ETV6: variants seen among roughly 807,000 people sequenced by gnomAD.
ETV6 encodes ETS variant transcription factor 6, also known as transcription factor ETV6.
In ETV6, 16 loss-of-function variants were observed where a neutral mutation model predicts 51.1. That is an observed-to-expected ratio of 0.31 (90% CI 0.21 to 0.48). The LOEUF (loss-of-function observed/expected upper bound fraction) is 0.48. Among genes scored for constraint, ETV6 ranks in the 20% least tolerant of loss-of-function variants. The probability of loss-of-function intolerance (pLI) is 0.99; values close to 1 mark genes in which losing one functional copy is unlikely to be tolerated. For missense variants in ETV6, 458 were observed against 594.8 expected, an observed-to-expected ratio of 0.77 and a Z score of 2.39; for synonymous variants, 240 against 224.1, an observed-to-expected ratio of 1.07 and a Z score of -0.64.
At position 11,891,920 on chromosome 12, in the gene ETV6, G is replaced by C; in HGVS notation, c.*874G>C. ...CAGATACATGCTAGTCCAGAGAGCC[G>C]CCCCTGAGATGGCTGTGAGAACCAT... On this transcript the variant is annotated 3_prime_UTR_variant, in exon 8 of 8. Transcript: ENST00000396373. 4.0e-6 allele frequency: 1 copy of C among 247,226 alleles called. No individual in the cohort carries two copies. The highest frequency in any genetic ancestry group is 7.9e-6 in the Non-Finnish European group (1 of 126,056). 15.3% of individuals were successfully genotyped at this position (247,226 alleles called of 1,614,324 possible).
At chr12:11,882,233 A>G (rs890987293) in intron 5 of ETV6, among the ~76,000 whole-genome samples, 1 of 152,220 alleles carries the variant, frequency 6.6e-6, no homozygotes, top group Non-Finnish European at 1.5e-5. Flanking sequence ...CTTCTGGAAA[A>G]TGCCACAGTT....
At chr12:11,873,481 CAGCTGT>C (rs1591739349) in intron 5 of ETV6, among the ~76,000 whole-genome samples, 6 of 118,378 alleles carry the variant, frequency 5.1e-5, no homozygotes, top group Admixed American at 1.9e-4. Context: ...CTCCGTAAAG[CAGCTGT>C]TAGATGAGAA....
intron 4 of ETV6, among the ~76,000 whole-genome samples, chr12:11,854,099 C>G (rs1049383630): frequency 4.6e-5 from 7 of 152,138 alleles, no homozygotes; most frequent in African/African-American, 1.7e-4. Flanking sequence ...TTTCCTGCAA[C>G]TAGACGTTCC....
chr12:11,777,382 T>C (rs1023033905), intron 2 of ETV6, among the ~76,000 whole-genome samples: 1 of 151,270 alleles, frequency 6.6e-6, no homozygotes, highest in Non-Finnish European at 1.5e-5. Context: ...TGGAGGAAAA[T>C]AGTTATTGTG....
intron 2 of ETV6, among the ~76,000 whole-genome samples, chr12:11,768,184 T>C (rs1945190638): frequency 6.6e-6 from 1 of 152,206 alleles, no homozygotes; most frequent in Non-Finnish European, 1.5e-5. Context: ...ATTGTTCCTC[T>C]ATCTTTCCGT....
chr12:11,813,300 G>T (rs1945942196), intron 2 of ETV6, among the ~76,000 whole-genome samples: 1 of 152,150 alleles, frequency 6.6e-6, no homozygotes. Context: ...ACCCGCCAGG[G>T]GCACACCCTC....
chr12:11,889,117 TG>T (rs1319724997), intron 7 of ETV6, among the ~76,000 whole-genome samples: 2 of 150,924 alleles, frequency 1.3e-5, no homozygotes, highest in Admixed American at 1.3e-4. Flanking sequence ...AGGGGTGGTT[TG>T]GGGGGCCAAG....
intron 1 of ETV6, among the ~76,000 whole-genome samples, chr12:11,658,092 A>G (rs1455780545): frequency 3.3e-5 from 5 of 152,186 alleles, no homozygotes; most frequent in South Asian, 2.1e-4. Context: ...ACATTGCCCA[A>G]TGTAGTGCTT....
intron 1 of ETV6, among the ~76,000 whole-genome samples, chr12:11,684,119 T>C (rs1864584013): frequency 6.6e-6 from 1 of 152,196 alleles, no homozygotes; most frequent in Non-Finnish European, 1.5e-5. Flanking sequence ...ATGTAAGGAA[T>C]TTCAGGAACA....
chr12:11,867,488 C>A lies in ETV6; in HGVS notation c.464-1936C>A, dbSNP rs370899062. ...GGTTATACAGTAGTCACAAAATAAG[C>A]CCTTTGCCTTCAAGGAGATGATCTT... On this transcript the variant is annotated intron_variant, in intron 4 of 7. Coordinates refer to ENST00000396373, the MANE Select transcript of ETV6 (RefSeq NM_001987.5). Among the ~76,000 whole-genome samples, 36 of 152,178 alleles carry A rather than the reference C, an allele frequency of 2.4e-4. No individual in the cohort carries two copies. In the East Asian group the frequency reaches 6.8e-3, roughly 29 times the overall value.
At chr12:11,671,761 A>G (rs1864319667) in intron 1 of ETV6, among the ~76,000 whole-genome samples, 1 of 152,324 alleles carries the variant, frequency 6.6e-6, no homozygotes, top group South Asian at 2.1e-4. Context: ...TAGAAGTCAG[A>G]TCTCCTGACT....
Position 11,891,299 on chromosome 12 carries a change from G to C in ETV6, c.*253G>C. On this transcript the variant is annotated 3_prime_UTR_variant, in exon 8 of 8. Coordinates refer to ENST00000396373, the MANE Select transcript of ETV6 (RefSeq NM_001987.5). Reference sequence around the variant, plus strand: ...CCATGTCACGTTTCCTTCTGATTTGGAATCTCTCCATCTGTAATTCCTCAC... The same window carrying C: ...CCATGTCACGTTTCCTTCTGATTTGCAATCTCTCCATCTGTAATTCCTCAC... 1 of 439,388 alleles carries C rather than the reference G, an allele frequency of 2.3e-6. No homozygotes were observed. The highest frequency in any genetic ancestry group is 4.1e-6 in the Non-Finnish European group (1 of 243,766). The allele number at this position is 439,388 out of a possible 1,614,324, so 27.2% of individuals were successfully genotyped here.
intron 1 of ETV6, among the ~76,000 whole-genome samples, chr12:11,694,030 C>T (rs1458360046): frequency 6.6e-6 from 1 of 152,180 alleles, no homozygotes; most frequent in Non-Finnish European, 1.5e-5. Context: ...GGAGTTGTAC[C>T]AAATAAAAAG....
intron 1 of ETV6, among the ~76,000 whole-genome samples, chr12:11,694,338 A>G (rs1202470504): frequency 6.6e-6 from 1 of 152,208 alleles, no homozygotes. Context: ...AGGGCTATGT[A>G]AGATGTAATG....
At chr12:11,818,702 A>G (rs1309230600) in intron 2 of ETV6, among the ~76,000 whole-genome samples, 6 of 152,140 alleles carry the variant, frequency 3.9e-5, no homozygotes, top group Non-Finnish European at 8.8e-5. Context: ...TAGAAATGCT[A>G]GTGTTCACTT....
At chr12:11,686,378 G>A (rs1864628818) in intron 1 of ETV6, among the ~76,000 whole-genome samples, 1 of 152,176 alleles carries the variant, frequency 6.6e-6, no homozygotes, top group Non-Finnish European at 1.5e-5. Flanking sequence ...AGGTGAAGTA[G>A]GAAATTACTG....
rs12372001 is a variant in ETV6 at position 11,768,467 on chromosome 12, C to T, written c.163+15888C>T. Among the ~76,000 whole-genome samples the T allele has an allele frequency of 2.3e-3, 356 of 152,282 alleles. 2 individuals carry two copies. The highest frequency in any genetic ancestry group is 4.2e-3 in the Non-Finnish European group (286 of 68,016). ...AATTGGGTCAAGGCCACAGAACTGG[C>T]TGGTAGCAGAGCCAGAATTTGAACT... is the stretch of plus-strand genomic sequence containing the variant. On this transcript the variant is annotated intron_variant, in intron 2 of 7. Coordinates refer to ENST00000396373, the MANE Select transcript of ETV6 (RefSeq NM_001987.5).
chr12:11,673,626 AT>A (rs1565481470), intron 1 of ETV6, among the ~76,000 whole-genome samples: 1 of 152,036 alleles, frequency 6.6e-6, no homozygotes, highest in Non-Finnish European at 1.5e-5. Flanking sequence ...AGAAATCAAT[AT>A]TTTTTCCTAC....
At chr12:11,844,499 T>C (rs1369748520) in intron 3 of ETV6, among the ~76,000 whole-genome samples, 2 of 152,244 alleles carry the variant, frequency 1.3e-5, no homozygotes, top group African/African-American at 4.8e-5. Flanking sequence ...AAAATTTTCT[T>C]TCAAAGTTAA....
Sources: allele counts gnomAD v4.1 joint callset (sites outside exome capture counted in the v4.1 genomes callset), GRCh38; gene constraint gnomAD v4.1.1; transcripts MANE v1.5; gene names NCBI Gene and HGNC (gene_info 2026-07-23, HGNC 2026-07-21).